SDK1: variants seen among roughly 807,000 people sequenced by gnomAD.
SDK1 encodes the protein protein sidekick-1.
A neutral mutation model predicts 245.5 loss-of-function variants in SDK1; 157 were observed. That is an observed-to-expected ratio of 0.64 (90% CI 0.56 to 0.73). The LOEUF is 0.73. Ranked by LOEUF, SDK1 falls within the 30% of genes least tolerant of loss-of-function variation. The pLI is 0.00. For missense variants in SDK1, 3,583 were observed against 3,002.3 expected, an observed-to-expected ratio of 1.19 and a Z score of -4.52; for synonymous variants, 1,647 against 1,278.5, an observed-to-expected ratio of 1.29 and a Z score of -6.15.
intron 22 of SDK1, among the ~76,000 whole-genome samples, chr7:4,100,014 G>A (rs1468596796): frequency 6.6e-6 from 1 of 152,170 alleles, no homozygotes; most frequent in East Asian, 1.9e-4. Flanking sequence ...CTCGAACGTA[G>A]GCCCAGCCAG....
chr7:3,903,254 C>A (rs1781852105), intron 5 of SDK1, among the ~76,000 whole-genome samples: 1 of 151,748 alleles, frequency 6.6e-6, no homozygotes, highest in Admixed American at 6.6e-5. Flanking sequence ...CTCCATTCTC[C>A]TGCCTCAGCC....
chr7:4,019,762 G>A (rs1036936), intron 17 of SDK1, among the ~76,000 whole-genome samples: 9 of 152,204 alleles, frequency 5.9e-5, no homozygotes, highest in African/African-American at 1.2e-4. Context: ...CATGGGTCTC[G>A]GAGGGCCCAG....
intron 5 of SDK1, among the ~76,000 whole-genome samples, chr7:3,882,202 C>T (rs539679570): frequency 7.2e-4 from 110 of 152,148 alleles, no homozygotes; most frequent in Admixed American, 1.0e-3. Flanking sequence ...ATCTCCCAGC[C>T]GGTCCCTCCA....
chr7:3,439,454 T>C (rs1780129935), intron 1 of SDK1, among the ~76,000 whole-genome samples: 1 of 152,060 alleles, frequency 6.6e-6, no homozygotes, highest in South Asian at 2.1e-4. Context: ...TTGTTTCGGG[T>C]TTGGTCAACC....
chr7:3,825,186 G>T (rs533398753), intron 5 of SDK1, among the ~76,000 whole-genome samples: 1 of 152,250 alleles, frequency 6.6e-6, no homozygotes, highest in African/African-American at 2.4e-5. Flanking sequence ...GTCTTCCGAG[G>T]TCAGACCCGG....
chr7:3,457,007 G>T (rs1780690192), intron 1 of SDK1, among the ~76,000 whole-genome samples: 2 of 152,182 alleles, frequency 1.3e-5, no homozygotes, highest in South Asian at 4.1e-4. Flanking sequence ...TCTCAAGGGT[G>T]CACAAGGTGC....
At chr7:3,925,878 A>G (rs1335333270) in intron 5 of SDK1, among the ~76,000 whole-genome samples, 4 of 152,196 alleles carry the variant, frequency 2.6e-5, no homozygotes, top group Non-Finnish European at 5.9e-5. Flanking sequence ...TGAAACGGAA[A>G]TTATCTTTTG....
intron 4 of SDK1, among the ~76,000 whole-genome samples, chr7:3,804,543 T>A (rs1779192750): frequency 6.6e-6 from 1 of 152,242 alleles, no homozygotes; most frequent in Non-Finnish European, 1.5e-5. Flanking sequence ...TTGTTTTTGC[T>A]ATTCTAATTC....
At chr7:3,872,839 A>G (rs1020796543) in intron 5 of SDK1, among the ~76,000 whole-genome samples, 4 of 152,104 alleles carry the variant, frequency 2.6e-5, no homozygotes, top group African/African-American at 9.7e-5. Context: ...CTTCACACGG[A>G]GTATAAGGAC....
At chr7:4,025,168 T>C (rs1198303934) in intron 17 of SDK1, among the ~76,000 whole-genome samples, 1 of 152,212 alleles carries the variant, frequency 6.6e-6, no homozygotes, top group Non-Finnish European at 1.5e-5. Flanking sequence ...ACGGAATTGA[T>C]TTCCCTATCC....
intron 1 of SDK1, among the ~76,000 whole-genome samples, chr7:3,360,774 C>T (rs749709456): frequency 6.6e-6 from 1 of 152,190 alleles, no homozygotes; most frequent in African/African-American, 2.4e-5. Context: ...AGCAGTCCCC[C>T]CTCCCCACAG....
chr7:3,991,982 C>T (rs1329304709), intron 14 of SDK1, among the ~76,000 whole-genome samples: 2 of 152,216 alleles, frequency 1.3e-5, no homozygotes. Flanking sequence ...ATGGAAATTG[C>T]ACTTGGCCTC....
At chr7:3,888,970 A>G (rs368693438) in intron 5 of SDK1, among the ~76,000 whole-genome samples, 1 of 151,986 alleles carries the variant, frequency 6.6e-6, no homozygotes, top group East Asian at 1.9e-4. Flanking sequence ...GAGATCTAGG[A>G]ATAGCATAAT....
chr7:3,331,122 G>T (rs1030803822), intron 1 of SDK1, among the ~76,000 whole-genome samples: 1 of 152,022 alleles, frequency 6.6e-6, no homozygotes, highest in Admixed American at 6.6e-5. Context: ...AAATTAGCTG[G>T]GTGTGGTGGT....
At chr7:4,252,505 C>G (rs1489391218) in intron 44 of SDK1, among the ~76,000 whole-genome samples, 3 of 152,076 alleles carry the variant, frequency 2.0e-5, no homozygotes, top group Non-Finnish European at 1.5e-5. Flanking sequence ...GTAAATAGTG[C>G]CGCAATAAAC....
chr7:4,124,242 G>A (rs914239230), intron 25 of SDK1, among the ~76,000 whole-genome samples: 4 of 152,232 alleles, frequency 2.6e-5, no homozygotes, highest in African/African-American at 7.2e-5. Context: ...TGCCCCAAAC[G>A]GGGTGGCTTA....
chr7:3,559,756 T>TC (rs1491560845), intron 1 of SDK1, among the ~76,000 whole-genome samples: 1 of 91,114 alleles, frequency 1.1e-5, no homozygotes, highest in African/African-American at 5.6e-5. Context: ...TTGTATTTTT[T>TC]CAAAAAAAAA....
chr7:4,232,043 T>A, intron 40 of SDK1, among the ~76,000 whole-genome samples: 1 of 31,400 alleles, frequency 3.2e-5, no homozygotes, highest in East Asian at 6.9e-3. Flanking sequence ...CTGAGCCTAC[T>A]TTTTTTTTTT....
chr7:3,781,451 A>C (rs1780734144), intron 4 of SDK1, among the ~76,000 whole-genome samples: 2 of 152,144 alleles, frequency 1.3e-5, no homozygotes, highest in African/African-American at 4.8e-5. Context: ...GTCAAAGAAC[A>C]CCTGTAAAGG....
Sources: allele counts gnomAD v4.1 joint callset (sites outside exome capture counted in the v4.1 genomes callset), GRCh38; gene constraint gnomAD v4.1.1; transcripts MANE v1.5; gene names NCBI Gene and HGNC (gene_info 2026-07-23, HGNC 2026-07-21).